Variants in PIK3CD observed in about 807,000 individuals in gnomAD.
The protein encoded by PIK3CD is phosphatidylinositol-4,5-bisphosphate 3-kinase catalytic subunit delta, also known as phosphatidylinositol 4,5-bisphosphate 3-kinase catalytic subunit delta isoform.
PIK3CD carries 20 observed loss-of-function variants against 122.9 expected under a neutral mutation model. That is an observed-to-expected ratio of 0.16 (90% CI 0.11 to 0.24). The LOEUF (loss-of-function observed/expected upper bound fraction) is 0.24. PIK3CD is among the 10% of genes least tolerant of loss of function. The pLI is 1.00. For synonymous variants in PIK3CD, 596 were observed against 593.4 expected, an observed-to-expected ratio of 1.00 and a Z score of -0.06; for missense variants, 787 against 1,406.3, an observed-to-expected ratio of 0.56 and a Z score of 7.04.
chr1:9,669,789 C>T (rs1645267982), intron 1 of PIK3CD, among the ~76,000 whole-genome samples: 1 of 152,050 alleles, frequency 6.6e-6, no homozygotes, highest in Non-Finnish European at 1.5e-5. Flanking sequence ...GGATATTGGT[C>T]TCAAATGAAC....
In PIK3CD at chr1:9,720,935, C is replaced by T. The variant is rs1384711489; in HGVS notation, c.1689+26C>T. The T allele has an allele frequency of 5.1e-6, 8 of 1,557,032 alleles. No homozygotes were observed. The African/African-American group carries it at 5.5e-5, about 11-fold the overall frequency. On this transcript the variant is annotated intron_variant, in intron 13 of 23. Transcript: ENST00000377346. This position sits in a 1 kb window ranked among gnomAD's most constrained non-coding sequence, Gnocchi z 9.0. Reference sequence around the variant, plus strand: ...GTGGGTGGGGAGGCGCACCTGGGGGCGGAGCTGGGGGCAGACCACAGCCTC... The same window carrying T: ...GTGGGTGGGGAGGCGCACCTGGGGGTGGAGCTGGGGGCAGACCACAGCCTC...
intron 1 of PIK3CD, among the ~76,000 whole-genome samples, chr1:9,663,070 C>G (rs1156589449): frequency 6.6e-6 from 1 of 152,170 alleles, no homozygotes; most frequent in East Asian, 1.9e-4. Context: ...ATGGGCTGTA[C>G]AGCGTGTTCT....
At chr1:9,688,499 C>T (rs1646058631) in intron 1 of PIK3CD, among the ~76,000 whole-genome samples, 2 of 152,194 alleles carry the variant, frequency 1.3e-5, no homozygotes, top group African/African-American at 2.4e-5. Context: ...GCTTCGGCTT[C>T]CCCACTTACA....
In PIK3CD at chr1:9,710,296, C is replaced by T. The variant is rs1646996710; in HGVS notation, c.-32-128C>T. 1.3e-6 allele frequency: 1 copy of T among 785,030 alleles called. No homozygotes were observed. Among genetic ancestry groups the T allele is most frequent in the Non-Finnish European group, 2.2e-6 (1 of 453,194 alleles). The allele number at this position is 785,030 out of a possible 1,614,324, so 48.6% of individuals were successfully genotyped here. ...CCTGAGGGAGGTGAGCTTTTTGTAC[C>T]CGCAGGTCGGGAACTCACTCCTGAG... On this transcript the variant is annotated intron_variant, in intron 2 of 23. Coordinates refer to ENST00000377346, the MANE Select transcript of PIK3CD (RefSeq NM_005026.5). The surrounding 1 kb of genome is among the most constrained non-coding windows in gnomAD (Gnocchi z 4.7).
At chr1:9,661,631 C>T (rs774294274) in intron 1 of PIK3CD, among the ~76,000 whole-genome samples, 96 of 151,986 alleles carry the variant, frequency 6.3e-4, no homozygotes, top group South Asian at 4.2e-4. Flanking sequence ...GAGGCCAAGG[C>T]GGGTGGATCA....
At chr1:9,726,020 T>A (rs1034938738) in intron 23 of PIK3CD, among the ~76,000 whole-genome samples, 3 of 151,968 alleles carry the variant, frequency 2.0e-5, no homozygotes, top group Non-Finnish European at 4.4e-5. Context: ...GAGACCAGCC[T>A]GGCCAACATG....
intron 1 of PIK3CD, among the ~76,000 whole-genome samples, chr1:9,690,623 G>T (rs778339148): frequency 2.0e-5 from 3 of 152,198 alleles, no homozygotes; most frequent in Non-Finnish European, 2.9e-5. Flanking sequence ...CCGCAGCAGG[G>T]TCCCCGGAGC....
In PIK3CD at chr1:9,728,267, C is replaced by G. The variant is rs1181971957; in HGVS notation, c.*1221C>G. On this transcript the variant is annotated 3_prime_UTR_variant, in exon 24 of 24. Transcript: ENST00000377346. ...GCTGGGATCTTTCTCTCTGACTATA[C>G]TTAGTTTGAAATGGTGCAGGCTTAG... The G allele has an allele frequency of 6.6e-6, 1 of 152,214 alleles. No homozygotes were observed. Among genetic ancestry groups the G allele is most frequent in the Non-Finnish European group, 1.5e-5 (1 of 68,068 alleles). 9.4% of individuals were successfully genotyped at this position (152,214 alleles called of 1,614,324 possible). A position where few individuals can be genotyped will look rare whatever the true frequency, so the allele number is the denominator to read the frequency against.
intron 2 of PIK3CD, among the ~76,000 whole-genome samples, chr1:9,701,852 T>C (rs1328197360): frequency 6.6e-6 from 1 of 152,046 alleles, no homozygotes; most frequent in East Asian, 1.9e-4. Context: ...GAGTTCATGA[T>C]GTGGCCACCA....
At position 9,724,368 on chromosome 1, in the gene PIK3CD, C is replaced by T. The variant is rs1386645422; in HGVS notation, c.2811C>T (p.Asp937=). 6.2e-7 allele frequency: 1 copy of T among 1,614,018 alleles called. No homozygotes were observed. Among genetic ancestry groups the T allele is most frequent in the East Asian group, 2.2e-5 (1 of 44,900 alleles). ...RERVPFILTY[D]FVHVIQQGKT... ...GTGTCCCATTCATCCTCACCTACGA[C>T]TTTGTCCATGTGATTCAGCAGGGGA... Residue 937 remains aspartate (D), a synonymous_variant, in exon 22 of 24, where the codon GAC becomes GAT. Transcript: ENST00000377346. The surrounding 1 kb of genome is among the most constrained non-coding windows in gnomAD (Gnocchi z 7.3).
upstream of PIK3CD, among the ~76,000 whole-genome samples, chr1:9,651,576 A>G (rs1281634110): frequency 6.6e-6 from 1 of 152,192 alleles, no homozygotes; most frequent in Admixed American, 6.5e-5. Flanking sequence ...GCGGTAGGCG[A>G]ACTGGGGAGT....
In PIK3CD at chr1:9,722,881, C is replaced by T. The variant is rs1365614017; in HGVS notation, c.2427-244C>T. Among the ~76,000 whole-genome samples the T allele has an allele frequency of 6.6e-6, 1 of 152,194 alleles. No homozygotes were observed. Among genetic ancestry groups the T allele is most frequent in the Non-Finnish European group, 1.5e-5 (1 of 68,034 alleles). On this transcript the variant is annotated intron_variant, in intron 19 of 23. Transcript: ENST00000377346. The surrounding 1 kb of genome is among the most constrained non-coding windows in gnomAD (Gnocchi z 7.6). Reference sequence around the variant, plus strand: ...AGCCCATCTTGGGAAGCAGTGGCGTCTTCTCCCAAGGCCTCTGTCTGGTTC... The same window carrying T: ...AGCCCATCTTGGGAAGCAGTGGCGTTTTCTCCCAAGGCCTCTGTCTGGTTC...
At chr1:9,695,246 A>T (rs1020240425) in intron 2 of PIK3CD, among the ~76,000 whole-genome samples, 19 of 152,092 alleles carry the variant, frequency 1.2e-4, no homozygotes, top group African/African-American at 4.3e-4. Context: ...AATATAGAAA[A>T]ATTTGACTTC....
Position 9,727,004 on chromosome 1 carries a change from G to C in PIK3CD, c.3093G>C (p.Val1031=), listed in dbSNP as rs149090253. The C allele has an allele frequency of 1.9e-4, 310 of 1,614,090 alleles. No individual in the cohort carries two copies. In the African/African-American group the frequency reaches 3.7e-3, roughly 19 times the overall value. ...TCCGTGAGAGCTGGAAAACCAAAGT[G>C]AACTGGCTGGCCCACAACGTGTCCA... ...EALRESWKTK[V]NWLAHNVSKD... The change falls in exon 24 of 24, where the codon GTG becomes GTC. Residue 1031 remains valine (V), a synonymous_variant. Coordinates refer to ENST00000377346, the MANE Select transcript of PIK3CD (RefSeq NM_005026.5).
Position 9,719,869 on chromosome 1 carries a change from TG to T in PIK3CD, c.1243-49del. On this transcript the variant is annotated intron_variant, in intron 9 of 23. Transcript: ENST00000377346. This position sits in a 1 kb window ranked among gnomAD's most constrained non-coding sequence, Gnocchi z 5.5. The stretch of plus-strand genomic sequence containing the variant: ...GGTGCCTGGGGGAGGGCAGGGAAGC[TG>T]GGTCTGGAGGCCCCTGAGTGGCTGT... The T allele has an allele frequency of 2.1e-6, 3 of 1,462,750 alleles. No homozygotes were observed. Among genetic ancestry groups the T allele is most frequent in the Non-Finnish European group, 2.9e-6 (3 of 1,042,786 alleles). 90.6% of individuals were successfully genotyped at this position (1,462,750 alleles called of 1,614,324 possible).
chr1:9,683,758 G>A (rs1033607860), intron 1 of PIK3CD, among the ~76,000 whole-genome samples: 5 of 152,158 alleles, frequency 3.3e-5, no homozygotes, highest in Admixed American at 6.6e-5. Flanking sequence ...CAGGAATTCC[G>A]ACAGAGCTCA....
At position 9,710,231 on chromosome 1, in the gene PIK3CD, G is replaced by T; in HGVS notation, c.-32-193G>T. On this transcript the variant is annotated intron_variant, in intron 2 of 23. Coordinates refer to ENST00000377346, the MANE Select transcript of PIK3CD (RefSeq NM_005026.5). The surrounding 1 kb of genome is among the most constrained non-coding windows in gnomAD (Gnocchi z 4.7). Reference sequence around the variant, plus strand: ...AAGAGGCAGCTGAGGCCGTGGCCCGGAGTAGTAGGAGCCACAAGCCACCCT... The same window carrying T: ...AAGAGGCAGCTGAGGCCGTGGCCCGTAGTAGTAGGAGCCACAAGCCACCCT... 3.4e-6 allele frequency: 2 copies of T among 585,498 alleles called. No homozygotes were observed. Among genetic ancestry groups the T allele is most frequent in the South Asian group, 1.8e-5 (1 of 54,388 alleles). 36.3% of individuals were successfully genotyped at this position (585,498 alleles called of 1,614,324 possible). A position where few individuals can be genotyped will look rare whatever the true frequency, so the allele number is the denominator to read the frequency against.
At chr1:9,674,902 G>A (rs1488616298) in intron 1 of PIK3CD, among the ~76,000 whole-genome samples, 1 of 150,648 alleles carries the variant, frequency 6.6e-6, no homozygotes, top group Non-Finnish European at 1.5e-5. Flanking sequence ...GTATGATGAT[G>A]CACACCTGTA....
chr1:9,718,696 G>A lies in PIK3CD; in HGVS notation c.1023G>A (p.Leu341=). Residue 341 remains leucine (L), a splice_region_variant and synonymous_variant, in exon 9 of 24, where the codon CTG becomes CTA. Coordinates refer to ENST00000377346, the MANE Select transcript of PIK3CD (RefSeq NM_005026.5). This position sits in a 1 kb window ranked among gnomAD's most constrained non-coding sequence, Gnocchi z 7.2. The part of the protein sequence containing the change: ...SKVNADERMK[L]VVQAGLFHGN... Reference sequence around the variant, plus strand: ...CATCATCCCGGCACCTTCTACAGCTGGTGGTGCAGGCCGGGCTTTTCCACG... The same window carrying A: ...CATCATCCCGGCACCTTCTACAGCTAGTGGTGCAGGCCGGGCTTTTCCACG... The A allele has an allele frequency of 6.2e-7, 1 of 1,603,552 alleles. No individual in the cohort carries two copies. Among genetic ancestry groups the A allele is most frequent in the South Asian group, 1.1e-5 (1 of 91,062 alleles).
Sources: allele counts gnomAD v4.1 joint callset (sites outside exome capture counted in the v4.1 genomes callset), GRCh38; gene constraint gnomAD v4.1.1; non-coding constraint Gnocchi (gnomAD v3.1); transcripts MANE v1.5; gene names NCBI Gene and HGNC (gene_info 2026-07-23, HGNC 2026-07-21).